Variants in DNAJA1 observed in about 807,000 individuals in gnomAD.
DNAJA1 encodes dnaJ homolog subfamily A member 1.
Under a neutral mutation model 47.6 loss-of-function variants are expected in DNAJA1, and 26 were observed. That is an observed-to-expected ratio of 0.55 (90% CI 0.40 to 0.76). DNAJA1 has a LOEUF of 0.76. Among genes scored for constraint, DNAJA1 ranks in the 30% least tolerant of loss-of-function variants. The probability of loss-of-function intolerance (pLI) is 0.00; values close to 1 mark genes in which losing one functional copy is unlikely to be tolerated. For synonymous variants in DNAJA1, 165 were observed against 158.4 expected (o/e 1.04, Z -0.31); for missense variants, 315 against 485.0 (o/e 0.65, Z 3.29).
intron 4 of DNAJA1, among the ~76,000 whole-genome samples, 169 bp downstream of exon 4, chr9:33,030,158 A>C (rs1360193788): frequency 2.6e-5 from 4 of 152,190 alleles, no homozygotes; most frequent in Non-Finnish European, 5.9e-5. Context: ...AAAACCTCCC[A>C]CCTAAAGAAA....
rs1839081802 is a variant in DNAJA1 at position 33,039,223 on chromosome 9, G to C, written c.*320G>C. The C allele has an allele frequency of 6.3e-6, 2 of 315,308 alleles. No individual in the cohort carries two copies. Among genetic ancestry groups the C allele is most frequent in the Non-Finnish European group, 1.2e-5 (2 of 164,816 alleles). The allele number at this position is 315,308 out of a possible 1,614,324, so 19.5% of individuals were successfully genotyped here. A position where few individuals can be genotyped will look rare whatever the true frequency, so the allele number is the denominator to read the frequency against. On this transcript the variant is annotated 3_prime_UTR_variant, in exon 9 of 9. Coordinates refer to ENST00000330899, the MANE Select transcript of DNAJA1 (RefSeq NM_001539.4). ...GCTTAGACTGAAATGCTAGGTATATGTATTGGCTTCAGTGTATGACCCTTC... is the reference window on the plus strand; with the variant it reads ...GCTTAGACTGAAATGCTAGGTATATCTATTGGCTTCAGTGTATGACCCTTC...
chr9:33,033,352 G>A (rs577652215), intron 5 of DNAJA1, among the ~76,000 whole-genome samples: 2 of 151,748 alleles, frequency 1.3e-5, no homozygotes, highest in South Asian at 2.1e-4. Flanking sequence ...CTCCTGACTC[G>A]GCCTCTCAAA....
rs1468932651 is a variant in DNAJA1 at position 33,039,443 on chromosome 9, A to ACCCCTCCTACAG, written c.*540_*541insCCCCTCCTACAG. 3 of 151,724 alleles carry ACCCCTCCTACAG rather than the reference A, an allele frequency of 2.0e-5. No individual in the cohort carries two copies. In the East Asian group the frequency reaches 5.8e-4, roughly 29 times the overall value. 9.4% of individuals were successfully genotyped at this position (151,724 alleles called of 1,614,324 possible). A position where few individuals can be genotyped will look rare whatever the true frequency, so the allele number is the denominator to read the frequency against. On this transcript the variant is annotated 3_prime_UTR_variant, in exon 9 of 9. Coordinates refer to ENST00000330899, the MANE Select transcript of DNAJA1 (RefSeq NM_001539.4). ...ATTTATCCTGTGGTATCAGTGATAA[A>ACCCCTCCTACAG]AATGATACCTTTCTGTAGGAGGGGT...
rs747015712 is a variant in DNAJA1 at position 33,038,919 on chromosome 9, C to T, written c.*16C>T. ...GACCTCTTAATGGGCCAGTGAATAA[C>T]ACTCACTGCTGGCATTTAATGTGCA... On this transcript the variant is annotated 3_prime_UTR_variant, in exon 9 of 9. Transcript: ENST00000330899. 6.3e-7 allele frequency: 1 copy of T among 1,593,294 alleles called. No homozygotes were observed. The highest frequency in any genetic ancestry group is 8.6e-7 in the Non-Finnish European group (1 of 1,166,386).
chr9:33,027,364 A>T (rs1484987168), intron 3 of DNAJA1, among the ~76,000 whole-genome samples: 1 of 151,894 alleles, frequency 6.6e-6, no homozygotes, highest in Non-Finnish European at 1.5e-5. Flanking sequence ...CATGTTGGTC[A>T]CGCTGGTCTT....
chr9:33,037,750 T>A (rs540201885), intron 8 of DNAJA1, among the ~76,000 whole-genome samples: 2 of 152,270 alleles, frequency 1.3e-5, no homozygotes, highest in African/African-American at 4.8e-5. Context: ...GTTAACAAGT[T>A]GAGGATGGGG....
At chr9:33,033,707 T>C (rs1290371979) in intron 5 of DNAJA1, among the ~76,000 whole-genome samples, 3 of 152,130 alleles carry the variant, frequency 2.0e-5, no homozygotes, top group East Asian at 3.8e-4. Context: ...GATTATAGAT[T>C]TAAAATTTTT....
chr9:33,027,524 A>G (rs996839469), intron 3 of DNAJA1, among the ~76,000 whole-genome samples: 14 of 152,158 alleles, frequency 9.2e-5, no homozygotes, highest in African/African-American at 3.1e-4. Context: ...GTGGTAGCAA[A>G]TGACTGCTTC....
chr9:33,025,413 T>G (rs1389246153), intron 1 of DNAJA1, 30 bp downstream of exon 1: 1 of 152,254 alleles, frequency 6.6e-6, no homozygotes, highest in Non-Finnish European at 1.5e-5. Flanking sequence ...CTGCCCCTAG[T>G]CCCCTGGCTG....
In DNAJA1 at chr9:33,039,664, C is replaced by A. The variant is rs1298568394; in HGVS notation, c.*761C>A. On this transcript the variant is annotated 3_prime_UTR_variant, in exon 9 of 9. Transcript: ENST00000330899. ...GGTAACAGAAATTAAAGTGAAAAGA[C>A]CTTTACGTGGAGAATTTGCATGCGT... 1 of 151,148 alleles carries A rather than the reference C, an allele frequency of 6.6e-6. No individual in the cohort carries two copies. The highest frequency in any genetic ancestry group is 1.5e-5 in the Non-Finnish European group (1 of 67,706). The allele number at this position is 151,148 out of a possible 1,614,324, so 9.4% of individuals were successfully genotyped here. A position where few individuals can be genotyped will look rare whatever the true frequency, so the allele number is the denominator to read the frequency against.
intron 3 of DNAJA1, among the ~76,000 whole-genome samples, chr9:33,028,367 G>T (rs949785203): frequency 1.3e-5 from 2 of 152,198 alleles, no homozygotes; most frequent in Admixed American, 6.5e-5. Flanking sequence ...ATGTTCAAGA[G>T]AAATCAGTCT....
intron 5 of DNAJA1, among the ~76,000 whole-genome samples, chr9:33,032,096 A>C (rs1838970887): frequency 6.6e-6 from 1 of 152,238 alleles, no homozygotes; most frequent in Non-Finnish European, 1.5e-5. Context: ...CTACTATTAT[A>C]CTGTACTGTG....
At chr9:33,025,698 T>TGG (rs58332210) in intron 1 of DNAJA1, among the ~76,000 whole-genome samples, 75 of 147,010 alleles carry the variant, frequency 5.1e-4, no homozygotes, top group African/African-American at 1.5e-3. Context: ...TCGCTCGGGG[T>TGG]GGGGGGGGGG....
chr9:33,025,758 G>A (rs1284935349), intron 1 of DNAJA1, among the ~76,000 whole-genome samples: 1 of 152,154 alleles, frequency 6.6e-6, no homozygotes, highest in Non-Finnish European at 1.5e-5. Flanking sequence ...GGGGCGAGGG[G>A]CTGCGGGGGG....
chr9:33,025,829 T>G (rs1838821126), intron 1 of DNAJA1, among the ~76,000 whole-genome samples: 2 of 152,036 alleles, frequency 1.3e-5, no homozygotes, highest in African/African-American at 4.8e-5. Context: ...CTTTGTTTGT[T>G]GAGGGCTGGG....
intron 8 of DNAJA1, among the ~76,000 whole-genome samples, chr9:33,038,122 A>G (rs538673700): frequency 1.3e-5 from 2 of 151,544 alleles, no homozygotes; most frequent in South Asian, 4.2e-4. Context: ...CTCCTGCCTC[A>G]GCCTCCTGAG....
At chr9:33,026,760 T>C (rs1306908998) in intron 2 of DNAJA1, 53 bp from the exon 3 acceptor site, 1 of 1,597,108 alleles carries the variant, frequency 6.3e-7, no homozygotes, top group Non-Finnish European at 8.5e-7. Context: ...GTAATGTAGC[T>C]AGGTAACACT....
chr9:33,034,387 GTTTTTTGT>G (rs900576126), intron 6 of DNAJA1, 57 bp downstream of exon 6: 53 of 1,393,982 alleles, frequency 3.8e-5, no homozygotes, highest in Middle Eastern at 1.8e-4. Context: ...TGTTGGTTTT[GTTTTTTGT>G]TTTTTTGTTT....
In DNAJA1 at chr9:33,034,344, T is replaced by C; in HGVS notation, c.758+14T>C. On this transcript the variant is annotated intron_variant, in intron 6 of 8. Transcript: ENST00000330899. ...TGTTTTTACTCGGTAAAGACTTTTA[T>C]CAACCACTCAAATTGATATCACATA... 1.3e-6 allele frequency: 2 copies of C among 1,570,102 alleles called. No individual in the cohort carries two copies. The highest frequency in any genetic ancestry group is 1.7e-6 in the Non-Finnish European group (2 of 1,150,734).
Sources: allele counts gnomAD v4.1 joint callset (sites outside exome capture counted in the v4.1 genomes callset), GRCh38; gene constraint gnomAD v4.1.1; transcripts MANE v1.5; gene names NCBI Gene and HGNC (gene_info 2026-07-23, HGNC 2026-07-21).